Variants in ROBO2 observed in about 807,000 individuals in gnomAD.
ROBO2 encodes roundabout guidance receptor 2, also known as roundabout homolog 2.
ROBO2 carries 53 observed loss-of-function variants against 160.8 expected under a neutral mutation model. The ratio of observed to expected loss-of-function variants is 0.33; its 90% CI spans 0.26 to 0.41. The LOEUF is 0.41. Among genes scored for constraint, ROBO2 ranks in the 10% least tolerant of loss-of-function variants. The pLI is 1.00. For missense variants in ROBO2, 1,577 were observed against 1,722.4 expected (o/e 0.92, Z 1.49); for synonymous variants, 664 against 611.7 (o/e 1.09, Z -1.26).
At chr3:76,717,936 C>CTA (rs987718917) in intron 2 of ROBO2, among the ~76,000 whole-genome samples, 4 of 152,088 alleles carry the variant, frequency 2.6e-5, no homozygotes, top group African/African-American at 9.7e-5. Flanking sequence ...TTTGCAGCTC[C>CTA]TATATATATT....
At chr3:76,287,740 G>C (rs536506032) in intron 2 of ROBO2, among the ~76,000 whole-genome samples, 1 of 152,266 alleles carries the variant, frequency 6.6e-6, no homozygotes, top group African/African-American at 2.4e-5. Flanking sequence ...TGATGCTTTG[G>C]TTTCCTCATC....
chr3:77,257,041 G>C (rs567935119), intron 2 of ROBO2, among the ~76,000 whole-genome samples: 24 of 152,076 alleles, frequency 1.6e-4, no homozygotes, highest in Non-Finnish European at 2.2e-4. Flanking sequence ...CTGGAGCGAG[G>C]TTTCATATTA....
chr3:77,349,478 A>T (rs1296079102), intron 2 of ROBO2, among the ~76,000 whole-genome samples: 1 of 152,194 alleles, frequency 6.6e-6, no homozygotes, highest in Non-Finnish European at 1.5e-5. Context: ...GCCTTCTGAG[A>T]GTCACACTAT....
chr3:76,548,933 CA>C (rs1203764040), intron 2 of ROBO2, among the ~76,000 whole-genome samples: 2 of 152,176 alleles, frequency 1.3e-5, no homozygotes, highest in African/African-American at 2.4e-5. Flanking sequence ...GTCAAATCCA[CA>C]GTTTGTGCAA....
chr3:76,163,562 CATAT>C (rs1240089294), intron 2 of ROBO2, among the ~76,000 whole-genome samples: 3 of 149,346 alleles, frequency 2.0e-5, no homozygotes, highest in African/African-American at 7.4e-5. Context: ...TATGTATATA[CATAT>C]ATATAGGCAT....
chr3:76,279,983 T>G (rs1364709975), intron 2 of ROBO2, among the ~76,000 whole-genome samples: 1 of 151,930 alleles, frequency 6.6e-6, no homozygotes, highest in African/African-American at 2.4e-5. Flanking sequence ...GGTACTAAAC[T>G]TGGGATTTAA....
At chr3:76,693,306 G>A (rs906562796) in intron 2 of ROBO2, among the ~76,000 whole-genome samples, 1 of 148,766 alleles carries the variant, frequency 6.7e-6, no homozygotes, top group South Asian at 2.1e-4. Flanking sequence ...TGTAGTGTGT[G>A]TATATATATA....
intron 2 of ROBO2, among the ~76,000 whole-genome samples, chr3:76,803,990 G>A (rs2064461744): frequency 6.6e-6 from 1 of 152,214 alleles, no homozygotes; most frequent in Non-Finnish European, 1.5e-5. Context: ...TGGGCAAGCA[G>A]AGTGATGAAC....
Position 76,107,559 on chromosome 3 carries a change from C to T in ROBO2, c.109+169957C>T, listed in dbSNP as rs531593075. 5.9e-5 allele frequency among the ~76,000 whole-genome samples: 9 copies of T among 152,138 alleles called. 1 individual carries two copies. In the East Asian group the frequency reaches 1.2e-3, roughly 20 times the overall value. ...TGAAAATAATGTTACATTTGCATAG[C>T]ATTTTTCCCTTCCTTTGCATACGCT... is the stretch of plus-strand genomic sequence containing the variant. On this transcript the variant is annotated intron_variant, in intron 2 of 26. Coordinates refer to the ROBO2 transcript ENST00000487694.
chr3:76,593,363 A>G (rs974093444), intron 2 of ROBO2, among the ~76,000 whole-genome samples: 5 of 152,062 alleles, frequency 3.3e-5, no homozygotes, highest in Admixed American at 2.0e-4. Flanking sequence ...TGCCTAAAAA[A>G]TGAGACTATC....
chr3:77,458,967 C>T (rs2081971434), intron 2 of ROBO2, among the ~76,000 whole-genome samples: 1 of 152,040 alleles, frequency 6.6e-6, no homozygotes, highest in Non-Finnish European at 1.5e-5. Context: ...ATAAACCTGC[C>T]CACCTCACAG....
At chr3:76,797,468 C>T (rs538255950) in intron 2 of ROBO2, among the ~76,000 whole-genome samples, 37 of 151,810 alleles carry the variant, frequency 2.4e-4, no homozygotes, top group South Asian at 2.3e-3. Context: ...TAGCAATGAG[C>T]ACCTATATAA....
intron 2 of ROBO2, among the ~76,000 whole-genome samples, chr3:77,180,871 T>G (rs540222346): frequency 6.6e-6 from 1 of 152,064 alleles, no homozygotes; most frequent in East Asian, 1.9e-4. Context: ...CCCATAAAAA[T>G]CCACAAAAGC....
intron 2 of ROBO2, among the ~76,000 whole-genome samples, chr3:76,000,489 A>ATT (rs62945460): frequency 8.8e-6 from 1 of 114,156 alleles, no homozygotes; most frequent in African/African-American, 3.0e-5. Context: ...TTGTGCGCTT[A>ATT]TTTTTTTTTT....
At chr3:76,394,202 A>G (rs1167261662) in intron 2 of ROBO2, among the ~76,000 whole-genome samples, 1 of 152,082 alleles carries the variant, frequency 6.6e-6, no homozygotes, top group African/African-American at 2.4e-5. Flanking sequence ...TCGTTAGTTG[A>G]TGCAGTTTCT....
At chr3:77,338,112 A>C (rs553396860) in intron 2 of ROBO2, among the ~76,000 whole-genome samples, 1 of 152,290 alleles carries the variant, frequency 6.6e-6, no homozygotes, top group South Asian at 2.1e-4. Flanking sequence ...GTTTTAGAAA[A>C]CAGACATCAG....
intron 2 of ROBO2, among the ~76,000 whole-genome samples, chr3:76,023,359 A>C (rs532866492): frequency 6.6e-6 from 1 of 151,788 alleles, no homozygotes; most frequent in South Asian, 2.1e-4. Context: ...TTCTTCATTA[A>C]GTTTAATCAT....
At chr3:77,349,628 A>G (rs369432420) in intron 2 of ROBO2, among the ~76,000 whole-genome samples, 3 of 152,326 alleles carry the variant, frequency 2.0e-5, no homozygotes, top group Admixed American at 6.5e-5. Context: ...AGGCACTTCA[A>G]GAGGATACTC....
chr3:76,650,846 A>C (rs2091223368), intron 2 of ROBO2, among the ~76,000 whole-genome samples: 1 of 152,196 alleles, frequency 6.6e-6, no homozygotes, highest in African/African-American at 2.4e-5. Context: ...AATTTCAAGA[A>C]AATACAGGAA....
Sources: allele counts gnomAD v4.1 joint callset (sites outside exome capture counted in the v4.1 genomes callset), GRCh38; gene constraint gnomAD v4.1.1; transcripts MANE v1.5; gene names NCBI Gene and HGNC (gene_info 2026-07-23, HGNC 2026-07-21).